RBM12: variants seen among roughly 807,000 people sequenced by gnomAD.
RBM12 encodes the protein RNA binding motif protein 12, also known as RNA-binding protein 12.
In RBM12, 24 loss-of-function variants were observed where a neutral mutation model predicts 37.2. That is an observed-to-expected ratio of 0.65 (90% CI 0.47 to 0.91). The LOEUF is 0.91. Among genes scored for constraint, RBM12 ranks in the 40% least tolerant of loss-of-function variants. The probability of loss-of-function intolerance (pLI) is 0.00; values close to 1 mark genes in which losing one functional copy is unlikely to be tolerated. For missense variants in RBM12, 1,061 were observed against 1,183.2 expected (o/e 0.90, Z 1.52); for synonymous variants, 420 against 425.2 (o/e 0.99, Z 0.15).
At chr20:35,663,254 A>G (rs1258612572) in intron 1 of RBM12, among the ~76,000 whole-genome samples, 1 of 152,230 alleles carries the variant, frequency 6.6e-6, no homozygotes, top group African/African-American at 2.4e-5. Context: ...TTGTAGTTCT[A>G]TAATTTAAAA....
chr20:35,661,556 T>C (rs1396754664), intron 1 of RBM12, among the ~76,000 whole-genome samples: 1 of 152,232 alleles, frequency 6.6e-6, no homozygotes, highest in Non-Finnish European at 1.5e-5. Flanking sequence ...CTTTAGTATG[T>C]TTTCCATTCA....
intron 1 of RBM12, 138 bp from the exon 2 acceptor site, chr20:35,659,152 AAAAG>A (rs1478445229): frequency 6.7e-5 from 31 of 463,232 alleles, no homozygotes; most frequent in African/African-American, 1.4e-4. Flanking sequence ...AAAAAAAAAA[AAAAG>A]AAAGACACCG....
intron 2 of RBM12, among the ~76,000 whole-genome samples, chr20:35,658,537 G>A (rs1464678866): frequency 6.6e-6 from 1 of 152,020 alleles, no homozygotes; most frequent in African/African-American, 2.4e-5. Flanking sequence ...AAGGCAGGTG[G>A]ATCACAAGGT....
At chr20:35,663,661 G>A (rs536692991) in intron 1 of RBM12, among the ~76,000 whole-genome samples, 2 of 152,154 alleles carry the variant, frequency 1.3e-5, no homozygotes, top group African/African-American at 2.4e-5. Context: ...ACGCAGATGA[G>A]TAAATGTTTA....
At chr20:35,661,285 T>C (rs1488028819) in intron 1 of RBM12, among the ~76,000 whole-genome samples, 4 of 152,192 alleles carry the variant, frequency 2.6e-5, no homozygotes, top group Non-Finnish European at 5.9e-5. Flanking sequence ...AACATAAGTG[T>C]CACTGTTTTC....
chr20:35,651,313 A>G lies in RBM12; in HGVS notation c.*1211T>C, dbSNP rs2033496912. 1 of 152,178 alleles carries G rather than the reference A, an allele frequency of 6.6e-6. No individual in the cohort carries two copies. The highest frequency in any genetic ancestry group is 1.5e-5 in the Non-Finnish European group (1 of 68,024). The allele number at this position is 152,178 out of a possible 1,614,324, so 9.4% of individuals were successfully genotyped here. A position where few individuals can be genotyped will look rare whatever the true frequency, so the allele number is the denominator to read the frequency against. ...TGCCTTAGTGTCCTGAATACCAAAGAAAAGAGTATGAAAGGGTCAAGAATC... is the reference window on the plus strand; with the variant it reads ...TGCCTTAGTGTCCTGAATACCAAAGGAAAGAGTATGAAAGGGTCAAGAATC... On this transcript the variant is annotated 3_prime_UTR_variant, in exon 3 of 3. Transcript: ENST00000374114.
chr20:35,653,718 TG>T lies in RBM12; in HGVS notation c.1604del (p.Pro535GlnfsTer14). 1 of 1,614,228 alleles carries T rather than the reference TG, an allele frequency of 6.2e-7. No individual in the cohort carries two copies. The highest frequency in any genetic ancestry group is 8.5e-7 in the Non-Finnish European group (1 of 1,180,040). ...CTTTGGCAGAGTTGACATCCCCCTCTGGATTTAGTATCATTTCCCTCTGGTC... is the reference window on the plus strand; with the variant it reads ...CTTTGGCAGAGTTGACATCCCCCTCTGATTTAGTATCATTTCCCTCTGGTC... Reference protein sequence around the residue: ...SYDQREMILNPEGDVNSAKVC... With the variant: ...SYDQREMILNXEGDVNSAKVC... On this transcript the variant is annotated frameshift_variant, in exon 3 of 3. Transcript: ENST00000374114. LOFTEE classifies it high-confidence loss of function.
intron 2 of RBM12, among the ~76,000 whole-genome samples, chr20:35,658,182 A>T (rs2034015441): frequency 6.6e-6 from 1 of 152,248 alleles, no homozygotes; most frequent in Admixed American, 6.5e-5. Context: ...TTACTTAAAC[A>T]AGAGGGTTAG....
chr20:35,654,709 A>G lies in RBM12; in HGVS notation c.614T>C (p.Ile205Thr), dbSNP rs2033786611. The G allele has an allele frequency of 6.2e-7, 1 of 1,613,678 alleles. No individual in the cohort carries two copies. Among genetic ancestry groups the G allele is most frequent in the South Asian group, 1.1e-5 (1 of 91,076 alleles). The change falls in exon 3 of 3, where the codon ATT becomes ACT. Residue 205 changes from isoleucine to threonine, a missense_variant. Physicochemically the swap from Ile to Thr is moderately conservative, Grantham distance 89. Around this residue, in one of 3 missense-constraint regions of RBM12, gnomAD observed 540 missense variants for 632.7 expected, o/e 0.85. Transcript: ENST00000374114. Reference protein sequence around the residue: ...AMPSLPPMPSIPPIPVPPPVP... With the variant: ...AMPSLPPMPSTPPIPVPPPVP... Reference sequence around the variant, plus strand: ...TGGAGGAGGAACTGGAATTGGGGGAATGGATGGCATTGGTGGCAGAGATGG... The same window carrying G: ...TGGAGGAGGAACTGGAATTGGGGGAGTGGATGGCATTGGTGGCAGAGATGG...
intron 1 of RBM12, among the ~76,000 whole-genome samples, chr20:35,662,707 C>T (rs1008957304): frequency 2.0e-5 from 3 of 152,162 alleles, no homozygotes; most frequent in Non-Finnish European, 2.9e-5. Flanking sequence ...CACTGGATTC[C>T]AGCACCTGGA....
chr20:35,658,052 GAAAT>G (rs2034007207), intron 2 of RBM12, among the ~76,000 whole-genome samples: 3 of 151,416 alleles, frequency 2.0e-5, no homozygotes, highest in Admixed American at 6.6e-5. Context: ...GTCTCAAAAA[GAAAT>G]AAATAAATAA....
At position 35,664,880 on chromosome 20, in the gene RBM12, T is replaced by G. The variant is rs1397963338; in HGVS notation, c.-228A>C. ...CCCGGAGCCCAACGCAGCCACCACC[T>G]CCTTCGCCGCTTCACAAAATGGCCG... On this transcript the variant is annotated 5_prime_UTR_variant, in exon 1 of 3. Coordinates refer to ENST00000374114, the MANE Select transcript of RBM12 (RefSeq NM_006047.6). The G allele has an allele frequency of 6.6e-6, 1 of 152,432 alleles. No homozygotes were observed. Among genetic ancestry groups the G allele is most frequent in the South Asian group, 2.1e-4 (1 of 4,832 alleles). 9.4% of individuals were successfully genotyped at this position (152,432 alleles called of 1,614,324 possible).
chr20:35,655,148 G>A lies in RBM12; in HGVS notation c.175C>T (p.Arg59Cys), dbSNP rs1314415365. The A allele has an allele frequency of 9.9e-6, 16 of 1,613,952 alleles. No individual in the cohort carries two copies. Among genetic ancestry groups the A allele is most frequent in the Admixed American group, 1.7e-5 (1 of 59,996 alleles). ...TDEDARLGMM[R>C]TGGTIKGSKV... ...GACCCTTTAATTGTACCACCTGTGC[G>A]CATCATACCAAGCCTTGCATCTTCA... The change falls in exon 3 of 3, where the codon CGC becomes TGC. Residue 59 changes from arginine (R) to cysteine (C), a missense_variant. Around this residue, in one of 3 missense-constraint regions of RBM12, gnomAD observed 540 missense variants for 632.7 expected, o/e 0.85. Coordinates refer to ENST00000374114, the MANE Select transcript of RBM12 (RefSeq NM_006047.6).
intron 2 of RBM12, among the ~76,000 whole-genome samples, chr20:35,658,489 G>A (rs1176762445): frequency 6.6e-6 from 1 of 152,128 alleles, no homozygotes; most frequent in African/African-American, 2.4e-5. Flanking sequence ...CGGCCTGGGT[G>A]GCGGCTCATG....
Position 35,652,818 on chromosome 20 carries a change from A to G in RBM12, c.2505T>C (p.Pro835=), listed in dbSNP as rs376657170. Residue 835 remains proline, a synonymous_variant, in exon 3 of 3, where the codon CCT becomes CCC. Coordinates refer to ENST00000374114, the MANE Select transcript of RBM12 (RefSeq NM_006047.6). ...GGGGACCACCAATATGGATTGGGCC[A>G]GGGCCGGGGCCGGGGCCGGGGCCAG... is the stretch of plus-strand genomic sequence containing the variant. ...FGPGPGPGPG[P]GPIHIGGPPG... 5.0e-5 allele frequency: 80 copies of G among 1,602,466 alleles called. No individual in the cohort carries two copies. The highest frequency in any genetic ancestry group is 1.7e-4 in the Middle Eastern group (1 of 6,010).
intron 1 of RBM12, among the ~76,000 whole-genome samples, chr20:35,663,802 G>A (rs984587968): frequency 6.6e-6 from 1 of 152,110 alleles, no homozygotes; most frequent in Non-Finnish European, 1.5e-5. Context: ...GTCCAACCCC[G>A]TCACTAACCT....
chr20:35,651,851 T>C lies in RBM12; in HGVS notation c.*673A>G, dbSNP rs2033544517. 1 of 152,640 alleles carries C rather than the reference T, an allele frequency of 6.6e-6. No individual in the cohort carries two copies. Among genetic ancestry groups the C allele is most frequent in the African/African-American group, 2.4e-5 (1 of 41,456 alleles). The allele number at this position is 152,640 out of a possible 1,614,324, so 9.5% of individuals were successfully genotyped here. A position where few individuals can be genotyped will look rare whatever the true frequency, so the allele number is the denominator to read the frequency against. ...AAGTGTGACATTAGAAATCAAAGTT[T>C]GAGGTTATAGCACAAACGAAGTGTG... On this transcript the variant is annotated 3_prime_UTR_variant, in exon 3 of 3. Transcript: ENST00000374114.
intron 1 of RBM12, among the ~76,000 whole-genome samples, chr20:35,662,793 T>C (rs2034305591): frequency 6.6e-6 from 1 of 152,116 alleles, no homozygotes; most frequent in Non-Finnish European, 1.5e-5. Context: ...TACTCAATCA[T>C]CAAAACATTT....
At position 35,654,624 on chromosome 20, in the gene RBM12, T is replaced by C. The variant is rs749007048; in HGVS notation, c.699A>G (p.Pro233=). Residue 233 remains proline (P), a synonymous_variant, in exon 3 of 3, where the codon CCA becomes CCG. Transcript: ENST00000374114. ...ACATGGGTGGCAGTGGGGTCATGGG[T>C]GGCACAGAAGGAACTGGGGGAATCG... The part of the protein sequence containing the change: ...VPPIPPVPSV[P]PMTPLPPMSG... 2.5e-6 allele frequency: 4 copies of C among 1,613,612 alleles called. No individual in the cohort carries two copies. In the African/African-American group the frequency reaches 5.4e-5, roughly 22 times the overall value.
Sources: allele counts gnomAD v4.1 joint callset (sites outside exome capture counted in the v4.1 genomes callset), GRCh38; gene constraint gnomAD v4.1.1; regional missense constraint gnomAD v4.1.1; transcripts MANE v1.5; gene names NCBI Gene and HGNC (gene_info 2026-07-23, HGNC 2026-07-21).